Variants in GALNTL6 observed in about 807,000 individuals in gnomAD.
GALNTL6 encodes polypeptide N-acetylgalactosaminyltransferase-like 6.
A neutral mutation model predicts 73.7 loss-of-function variants in GALNTL6; 46 were observed. The observed-to-expected ratio is 0.62, with a 90% CI of 0.49 to 0.80. GALNTL6 has a LOEUF of 0.80. Among genes scored for constraint, GALNTL6 ranks in the 30% least tolerant of loss-of-function variants. The pLI is 0.00. For missense variants in GALNTL6, 604 were observed against 755.0 expected, an observed-to-expected ratio of 0.80 and a Z score of 2.34; for synonymous variants, 259 against 263.7, an observed-to-expected ratio of 0.98 and a Z score of 0.17.
intron 2 of GALNTL6, among the ~76,000 whole-genome samples, chr4:171,837,550 A>T (rs6844583): frequency 0.71 from 104,052 of 147,378 alleles, 37,459 homozygotes; most frequent in South Asian, 0.88. Flanking sequence ...CAGAAAAAAA[A>T]ATATATAAAT....
At chr4:172,081,574 G>T (rs1731880507) in intron 2 of GALNTL6, among the ~76,000 whole-genome samples, 1 of 152,208 alleles carries the variant, frequency 6.6e-6, no homozygotes, top group South Asian at 2.1e-4. Context: ...GGAGGCAGAG[G>T]TTGCAGTGAG....
intron 2 of GALNTL6, among the ~76,000 whole-genome samples, chr4:171,837,419 A>G (rs1203564976): frequency 6.6e-6 from 1 of 151,870 alleles, no homozygotes; most frequent in African/African-American, 2.4e-5. Flanking sequence ...TCTGAGGCTT[A>G]GGTGACAGTA....
chr4:171,911,871 G>A (rs80010207), intron 2 of GALNTL6, among the ~76,000 whole-genome samples: 5,311 of 152,096 alleles, frequency 0.035, 280 homozygotes, highest in African/African-American at 0.12. Context: ...GTTTTCCTAA[G>A]AACAGAAATT....
At chr4:171,903,802 C>A (rs956583393) in intron 2 of GALNTL6, among the ~76,000 whole-genome samples, 2 of 152,048 alleles carry the variant, frequency 1.3e-5, no homozygotes, top group African/African-American at 4.8e-5. Flanking sequence ...GATCTGAGAA[C>A]GGGCAGACTG....
rs142100627 is a variant in GALNTL6 at position 172,196,060 on chromosome 4, GA to G, written c.139-33586del. On this transcript the variant is annotated intron_variant, in intron 2 of 12. Coordinates refer to ENST00000506823, the MANE Select transcript of GALNTL6 (RefSeq NM_001034845.3). ...ATAGACCACTAGCTAGACTAGTAAAGAAAAAAAAAAGAGAGAATAACTGAAT... is the reference window on the plus strand; with the variant it reads ...ATAGACCACTAGCTAGACTAGTAAAGAAAAAAAAAGAGAGAATAACTGAAT... 1.3e-3 allele frequency among the ~76,000 whole-genome samples: 135 copies of G among 104,822 alleles called. No individual in the cohort carries two copies. The South Asian group carries it at 0.017, about 14-fold the overall frequency. The allele number at this position is 104,822 out of a possible 152,430, so 68.8% of individuals were successfully genotyped here.
At chr4:172,575,679 C>T (rs1736934522) in intron 5 of GALNTL6, among the ~76,000 whole-genome samples, 1 of 152,178 alleles carries the variant, frequency 6.6e-6, no homozygotes, top group Admixed American at 6.5e-5. Context: ...AGCACTGACA[C>T]TGTTTTCAAA....
chr4:172,645,515 T>C (rs554151237), intron 5 of GALNTL6, among the ~76,000 whole-genome samples: 12 of 152,060 alleles, frequency 7.9e-5, no homozygotes, highest in African/African-American at 2.9e-4. Context: ...GTGGGAATAC[T>C]TTTGGACCCC....
intron 5 of GALNTL6, among the ~76,000 whole-genome samples, chr4:172,377,946 G>A (rs1437185817): frequency 2.0e-5 from 3 of 151,850 alleles, no homozygotes; most frequent in African/African-American, 7.3e-5. Flanking sequence ...ACAAGCAGAG[G>A]GAGCTGGCTC....
At chr4:172,845,132 C>A (rs1045225776) in intron 7 of GALNTL6, among the ~76,000 whole-genome samples, 6 of 149,480 alleles carry the variant, frequency 4.0e-5, no homozygotes, top group Non-Finnish European at 5.9e-5. Flanking sequence ...GCAGGAGAAT[C>A]GCTTGAACCC....
chr4:171,952,757 A>C (rs1738922293), intron 2 of GALNTL6, among the ~76,000 whole-genome samples: 1 of 152,132 alleles, frequency 6.6e-6, no homozygotes, highest in African/African-American at 2.4e-5. Context: ...AGTAAAAATA[A>C]GGATCATTTC....
intron 2 of GALNTL6, among the ~76,000 whole-genome samples, chr4:171,989,339 C>T (rs572897302): frequency 6.6e-6 from 1 of 152,280 alleles, no homozygotes; most frequent in South Asian, 2.1e-4. Context: ...AGTCAGAGAG[C>T]CTTGGGCCAG....
At chr4:171,949,557 A>G (rs931600374) in intron 2 of GALNTL6, among the ~76,000 whole-genome samples, 3 of 152,202 alleles carry the variant, frequency 2.0e-5, no homozygotes, top group African/African-American at 7.2e-5. Flanking sequence ...GGTGAGGGGC[A>G]GAAAGTAGAT....
rs34783084 is a variant in GALNTL6 at position 172,219,199 on chromosome 4, G to GTATATA, written c.139-10438_139-10433dup. Among the ~76,000 whole-genome samples, 934 of 116,190 alleles carry GTATATA rather than the reference G, an allele frequency of 8.0e-3. 28 individuals are homozygous for GTATATA. The highest frequency in any genetic ancestry group is 0.018 in the African/African-American group (527 of 29,896). 76.2% of individuals were successfully genotyped at this position (116,190 alleles called of 152,430 possible). A position where few individuals can be genotyped will look rare whatever the true frequency, so the allele number is the denominator to read the frequency against. ...ATATAATATGTCAGATTAAGCAAGT[G>GTATATA]TATATATATATATATATATATATAA... is the stretch of plus-strand genomic sequence containing the variant. On this transcript the variant is annotated intron_variant, in intron 2 of 12. Transcript: ENST00000506823.
rs536570779 is a variant in GALNTL6 at position 172,864,296 on chromosome 4, A to T, written c.924-18494A>T. On this transcript the variant is annotated intron_variant, in intron 7 of 12. Coordinates refer to ENST00000506823, the MANE Select transcript of GALNTL6 (RefSeq NM_001034845.3). ...TTCATCTGCTCCTTATCCCCTTCCT[A>T]AAAGCACACAGTAACCCACTCATAG... Among the ~76,000 whole-genome samples the T allele has an allele frequency of 1.1e-4, 17 of 152,236 alleles. No individual in the cohort carries two copies. The South Asian group carries it at 3.5e-3, about 32-fold the overall frequency.
At chr4:172,431,988 G>A (rs1731474701) in intron 5 of GALNTL6, among the ~76,000 whole-genome samples, 2 of 151,986 alleles carry the variant, frequency 1.3e-5, no homozygotes, top group African/African-American at 4.8e-5. Context: ...CCTTTGATAG[G>A]TATATTAAGA....
At chr4:172,007,548 G>A (rs987884509) in intron 2 of GALNTL6, among the ~76,000 whole-genome samples, 3 of 151,910 alleles carry the variant, frequency 2.0e-5, no homozygotes, top group Non-Finnish European at 2.9e-5. Context: ...CAACAATATC[G>A]ATCATTCAAA....
chr4:171,987,291 A>G (rs1740126919), intron 2 of GALNTL6, among the ~76,000 whole-genome samples: 1 of 152,196 alleles, frequency 6.6e-6, no homozygotes, highest in South Asian at 2.1e-4. Flanking sequence ...CGTAAGGGAT[A>G]TAAAGGTTTG....
At chr4:172,364,872 A>AT (rs1742499228) in intron 5 of GALNTL6, among the ~76,000 whole-genome samples, 2 of 152,238 alleles carry the variant, frequency 1.3e-5, no homozygotes, top group Admixed American at 1.3e-4. Flanking sequence ...ATCATAGAGA[A>AT]TTTTTTTCTC....
intron 2 of GALNTL6, among the ~76,000 whole-genome samples, chr4:172,088,828 G>A (rs1479041099): frequency 6.6e-6 from 1 of 152,164 alleles, no homozygotes; most frequent in African/African-American, 2.4e-5. Context: ...CAGGGTAGGG[G>A]AGAGGCCAGA....
Sources: allele counts gnomAD v4.1 joint callset (sites outside exome capture counted in the v4.1 genomes callset), GRCh38; gene constraint gnomAD v4.1.1; transcripts MANE v1.5; gene names NCBI Gene and HGNC (gene_info 2026-07-23, HGNC 2026-07-21).